POLD1: variants seen among roughly 807,000 people sequenced by gnomAD.
POLD1 encodes DNA polymerase delta 1, catalytic subunit, also known as DNA polymerase delta catalytic subunit.
Under a neutral mutation model 129.7 loss-of-function variants are expected in POLD1, and 79 were observed. That is an observed-to-expected ratio of 0.61 (90% CI 0.51 to 0.73). POLD1 has a LOEUF of 0.73. POLD1 is among the 30% of genes least tolerant of loss of function. The pLI is 0.00. For missense variants in POLD1, 1,338 were observed against 1,595.8 expected, an observed-to-expected ratio of 0.84 and a Z score of 2.75; for synonymous variants, 714 against 683.3, an observed-to-expected ratio of 1.04 and a Z score of -0.70.
At position 50,416,618 on chromosome 19, in the gene POLD1, C is replaced by A. The variant is rs2122495467; in HGVS notation, c.2962C>A (p.His988Asn). ...TGCCTCCTCTCCTGCAGGGGGGGAC[C>A]ACACGCGCTGCAAGACGGTGCTCAC... ...RAEAVLLRGD[H>N]TRCKTVLTGK... The change falls in exon 24 of 27, where the codon CAC becomes AAC. Residue 988 changes from histidine (H) to asparagine (N), a missense_variant. Physicochemically the swap from His to Asn is moderately conservative, Grantham distance 68. This residue lies in a region of POLD1 where 286 missense variants were observed against 277.5 expected (regional missense o/e 1.03). Transcript: ENST00000440232. 3 of 1,562,298 alleles carry A rather than the reference C, an allele frequency of 1.9e-6. No individual in the cohort carries two copies. Among genetic ancestry groups the A allele is most frequent in the Non-Finnish European group, 2.6e-6 (3 of 1,157,630 alleles).
chr19:50,396,106 A>G (rs1336614466), intron 1 of POLD1, among the ~76,000 whole-genome samples: 2 of 136,512 alleles, frequency 1.5e-5, no homozygotes, highest in Admixed American at 7.4e-5. Context: ...TTTTTTTTTG[A>G]GACAGAATAT....
intron 10 of POLD1, among the ~76,000 whole-genome samples, chr19:50,405,432 T>C (rs1259594188): frequency 2.6e-5 from 4 of 152,204 alleles, no homozygotes; most frequent in African/African-American, 9.6e-5. Context: ...AGCTTGGTAA[T>C]GGAAAAACAA....
intron 22 of POLD1, 151 bp downstream of exon 22, chr19:50,415,977 C>A (rs2039273406): frequency 2.2e-5 from 14 of 624,706 alleles, no homozygotes; most frequent in Non-Finnish European, 5.5e-6. Flanking sequence ...GTGGCCTCGG[C>A]CCCCTCTGGA....
chr19:50,401,387 A>ATTTTTTTTTTT (rs1568617946), intron 3 of POLD1, among the ~76,000 whole-genome samples: 2 of 59,192 alleles, frequency 3.4e-5, no homozygotes, highest in African/African-American at 7.8e-5. Context: ...ATATATATAT[A>ATTTTTTTTTTT]TATATTTTTT....
chr19:50,404,175 C>T (rs1033506449), intron 10 of POLD1, among the ~76,000 whole-genome samples: 10 of 152,120 alleles, frequency 6.6e-5, no homozygotes, highest in African/African-American at 2.4e-4. Context: ...GGTTCACGGC[C>T]TCTCTCCTTG....
intron 1 of POLD1, 146 bp from the exon 2 acceptor site, chr19:50,398,705 C>T: frequency 7.5e-7 from 1 of 1,338,736 alleles, no homozygotes; most frequent in Non-Finnish European, 1.0e-6. Context: ...CACCCCACTG[C>T]CTGCAGGGTG....
chr19:50,398,015 T>C (rs906048715), intron 1 of POLD1, among the ~76,000 whole-genome samples: 11 of 152,052 alleles, frequency 7.2e-5, no homozygotes, highest in African/African-American at 2.7e-4. Flanking sequence ...CTCAAATTAC[T>C]CAGGAAAAGA....
At position 50,416,673 on chromosome 19, in the gene POLD1, C is replaced by T. The variant is rs1601247629; in HGVS notation, c.3017C>T (p.Ala1006Val). ...AAGGTGGGCGGCCTCCTGGCCTTCG[C>T]CAAACGCCGCAACTGCTGCATTGGC... is the stretch of plus-strand genomic sequence containing the variant. The part of the protein sequence containing the change: ...TGKVGGLLAF[A>V]KRRNCCIGCR... Residue 1006 changes from alanine (A) to valine (V), a missense_variant, in exon 24 of 27, where the codon GCC becomes GTC. Ala to Val is a moderately conservative substitution (Grantham distance 64). Transcript: ENST00000440232. The T allele has an allele frequency of 1.9e-6, 3 of 1,556,668 alleles. No individual in the cohort carries two copies. Among genetic ancestry groups the T allele is most frequent in the Non-Finnish European group, 8.7e-7 (1 of 1,155,654 alleles).
Position 50,406,472 on chromosome 19 carries a change from C to T in POLD1, c.1449C>T (p.Gly483=), listed in dbSNP as rs878854522. ...TLNAVSFHFL[G]EQKEDVQHSI... is the part of the protein sequence containing the mutation. ...ATGCCGTGAGCTTCCACTTCCTGGG[C>T]GAGCAGAAGGAGGACGTGCAGCACA... The change falls in exon 12 of 27, where the codon GGC becomes GGT. Residue 483 remains glycine (G), a synonymous_variant. Transcript: ENST00000440232. This position sits in a 1 kb window ranked among gnomAD's most constrained non-coding sequence, Gnocchi z 5.5. 6.9e-6 allele frequency: 11 copies of T among 1,597,450 alleles called. No homozygotes were observed. The highest frequency in any genetic ancestry group is 4.0e-5 in the African/African-American group (3 of 74,546).
At chr19:50,401,529 CTG>C (rs1282365563) in intron 3 of POLD1, among the ~76,000 whole-genome samples, 5 of 150,998 alleles carry the variant, frequency 3.3e-5, no homozygotes, top group Admixed American at 3.3e-4. Flanking sequence ...GTGTGAGTCA[CTG>C]TGCACGGCCA....
At position 50,416,528 on chromosome 19, in the gene POLD1, C is replaced by T. The variant is rs780926432; in HGVS notation, c.2953C>T (p.Arg985Trp). 8 of 1,552,074 alleles carry T rather than the reference C, an allele frequency of 5.2e-6. No homozygotes were observed. Among genetic ancestry groups the T allele is most frequent in the South Asian group, 3.6e-5 (3 of 84,412 alleles). ...GEGRAEAVLLRGDHTRCKTVL... is the reference protein window; with the variant it reads ...GEGRAEAVLLWGDHTRCKTVL... Reference sequence around the variant, plus strand: ...GGGCCGTGCCGAGGCTGTGCTACTGCGTACGGGGGCACCAGGGGACTGGGG... The same window carrying T: ...GGGCCGTGCCGAGGCTGTGCTACTGTGTACGGGGGCACCAGGGGACTGGGG... The change falls in exon 23 of 27, where the codon CGG (arginine) becomes TGG (tryptophan). Residue 985 changes from arginine (R) to tryptophan (W), a missense_variant and splice_region_variant. Physicochemically the swap from Arg to Trp is moderately radical, Grantham distance 101. This residue lies in a region of POLD1 where 286 missense variants were observed against 277.5 expected (regional missense o/e 1.03). Coordinates refer to ENST00000440232, the MANE Select transcript of POLD1 (RefSeq NM_002691.4).
chr19:50,404,106 A>C (rs541621032), intron 10 of POLD1, among the ~76,000 whole-genome samples: 2 of 152,284 alleles, frequency 1.3e-5, no homozygotes, highest in South Asian at 4.1e-4. Flanking sequence ...TGAAGGCTGG[A>C]AAGTCCATGA....
At chr19:50,414,024 C>A in intron 19 of POLD1, 145 bp downstream of exon 19, 1 of 799,034 alleles carries the variant, frequency 1.3e-6, no homozygotes, top group South Asian at 2.3e-5. Flanking sequence ...GTTTGGGAAG[C>A]CTCCAAGGCC....
At chr19:50,387,065 G>A (rs546793859) in intron 1 of POLD1, among the ~76,000 whole-genome samples, 5 of 152,226 alleles carry the variant, frequency 3.3e-5, no homozygotes, top group Admixed American at 6.5e-5. Context: ...GGTGGTGGGC[G>A]CCTGTAATCC....
At chr19:50,394,746 T>C (rs2122149479) in intron 1 of POLD1, among the ~76,000 whole-genome samples, 1 of 152,310 alleles carries the variant, frequency 6.6e-6, no homozygotes, top group East Asian at 1.9e-4. Context: ...CCTGCTCACC[T>C]GCCTCTTCCC....
chr19:50,409,733 C>T lies in POLD1; in HGVS notation c.2154+67C>T, dbSNP rs2039028176. ...GCCCCCTGTGTAGGAGACCAGGGCT[C>T]CATGTGGGGGACCTGTATCCAGAGG... On this transcript the variant is annotated intron_variant, in intron 17 of 26. Transcript: ENST00000440232. This position sits in a 1 kb window ranked among gnomAD's most constrained non-coding sequence, Gnocchi z 5.8. 6.7e-7 allele frequency: 1 copy of T among 1,494,960 alleles called. No individual in the cohort carries two copies. Among genetic ancestry groups the T allele is most frequent in the Non-Finnish European group, 9.0e-7 (1 of 1,109,482 alleles). The allele number at this position is 1,494,960 out of a possible 1,614,324, so 92.6% of individuals were successfully genotyped here. A position where few individuals can be genotyped will look rare whatever the true frequency, so the allele number is the denominator to read the frequency against.
intron 26 of POLD1, among the ~76,000 whole-genome samples, chr19:50,417,542 C>T (rs929007321): frequency 1.3e-5 from 2 of 152,126 alleles, no homozygotes; most frequent in East Asian, 1.9e-4. Flanking sequence ...GCCAGCCTGG[C>T]CCCCTCCCCA....
chr19:50,391,775 C>T (rs1387732755), intron 1 of POLD1, among the ~76,000 whole-genome samples: 1 of 151,728 alleles, frequency 6.6e-6, no homozygotes, highest in Non-Finnish European at 1.5e-5. Flanking sequence ...TGCAATGGCG[C>T]AATCTTGGCT....
chr19:50,404,245 C>T (rs990839459), intron 10 of POLD1, among the ~76,000 whole-genome samples: 2 of 151,726 alleles, frequency 1.3e-5, no homozygotes, highest in Non-Finnish European at 2.9e-5. Flanking sequence ...CTGTGCGTGT[C>T]TGTTTCCACA....
Sources: gnomAD v4.1 joint callset for allele counts (sites outside exome capture counted in the v4.1 genomes callset) on GRCh38, gnomAD v4.1.1 for gene constraint, gnomAD v4.1.1 regional missense constraint, Gnocchi (gnomAD v3.1) non-coding constraint, MANE v1.5 for transcripts, NCBI Gene and HGNC (gene_info 2026-07-23, HGNC 2026-07-21) for gene names.